EMCN: variants seen among roughly 807,000 people sequenced by gnomAD.
The protein encoded by EMCN is MUC-14.
A neutral mutation model predicts 38.4 loss-of-function variants in EMCN; 37 were observed. That is an observed-to-expected ratio of 0.96 (90% CI 0.74 to 1.27). The LOEUF (loss-of-function observed/expected upper bound fraction) is 1.27, where lower values mean the gene tolerates loss of function less well. Ranked by LOEUF, EMCN falls within the 50% of genes most tolerant of loss-of-function variation. The pLI, the probability that EMCN is intolerant of heterozygous loss-of-function variation, is 0.00. For synonymous variants in EMCN, 95 were observed against 100.8 expected (o/e 0.94, Z 0.35); for missense variants, 318 against 302.8 (o/e 1.05, Z -0.37).
chr4:100,502,907 C>T (rs1321707686), intron 1 of EMCN, among the ~76,000 whole-genome samples: 3 of 152,062 alleles, frequency 2.0e-5, no homozygotes, highest in African/African-American at 7.2e-5. Context: ...ACCAACTTCA[C>T]ATTGATAATA....
intron 11 of EMCN, among the ~76,000 whole-genome samples, chr4:100,409,915 T>C (rs1726502466): frequency 6.6e-6 from 1 of 152,222 alleles, no homozygotes; most frequent in Non-Finnish European, 1.5e-5. Flanking sequence ...GCAAGCACCG[T>C]CACTTGGATT....
At chr4:100,464,766 A>C (rs970846182) in intron 4 of EMCN, among the ~76,000 whole-genome samples, 1 of 151,850 alleles carries the variant, frequency 6.6e-6, no homozygotes, top group Non-Finnish European at 1.5e-5. Context: ...ATTTTTTTGC[A>C]ATATTTTATC....
chr4:100,502,106 G>A (rs72692143), intron 1 of EMCN, among the ~76,000 whole-genome samples: 2,578 of 152,306 alleles, frequency 0.017, 36 homozygotes, highest in Non-Finnish European at 0.024. Context: ...GGGCTTAATA[G>A]AGGGGCTTGA....
intron 3 of EMCN, among the ~76,000 whole-genome samples, chr4:100,467,543 G>T (rs1436463255): frequency 6.6e-6 from 1 of 151,822 alleles, no homozygotes; most frequent in African/African-American, 2.4e-5. Flanking sequence ...TTAGCCGGGC[G>T]TGGTGGTGGG....
chr4:100,478,573 G>A (rs1408062819), intron 2 of EMCN, among the ~76,000 whole-genome samples: 7 of 151,900 alleles, frequency 4.6e-5, no homozygotes, highest in Admixed American at 4.6e-4. Context: ...GGCAGGAAGG[G>A]GAAATAAAAA....
At chr4:100,436,241 T>G (rs548097054) in intron 5 of EMCN, among the ~76,000 whole-genome samples, 1 of 152,006 alleles carries the variant, frequency 6.6e-6, no homozygotes, top group Admixed American at 6.6e-5. Context: ...AAGACATTCA[T>G]GCAGTCAACA....
chr4:100,502,302 G>A (rs1299578826), intron 1 of EMCN, among the ~76,000 whole-genome samples: 2 of 152,170 alleles, frequency 1.3e-5, no homozygotes, highest in East Asian at 3.9e-4. Context: ...AAACCTCCAT[G>A]TTGAATATAC....
chr4:100,489,320 T>C (rs1729018767), intron 1 of EMCN, among the ~76,000 whole-genome samples: 1 of 152,220 alleles, frequency 6.6e-6, no homozygotes, highest in African/African-American at 2.4e-5. Context: ...TGAAAATAAA[T>C]GTAACAAATT....
At chr4:100,469,743 A>G (rs1403692195) in intron 3 of EMCN, among the ~76,000 whole-genome samples, 8 of 151,826 alleles carry the variant, frequency 5.3e-5, no homozygotes, top group Non-Finnish European at 1.2e-4. Context: ...TAGTGTAGGT[A>G]TGTGGCCTTA....
At chr4:100,455,305 A>T (rs1431004531) in intron 4 of EMCN, among the ~76,000 whole-genome samples, 2 of 152,102 alleles carry the variant, frequency 1.3e-5, no homozygotes, top group African/African-American at 4.8e-5. Flanking sequence ...TAAACAATAA[A>T]TTGTCTTTTG....
At chr4:100,401,997 T>G (rs898738703) in intron 11 of EMCN, among the ~76,000 whole-genome samples, 3 of 152,182 alleles carry the variant, frequency 2.0e-5, no homozygotes, top group African/African-American at 7.2e-5. Context: ...ATCTTAGACA[T>G]GCTTTCATGT....
intron 1 of EMCN, among the ~76,000 whole-genome samples, chr4:100,512,761 A>T (rs1341707024): frequency 6.6e-6 from 1 of 151,310 alleles, no homozygotes; most frequent in African/African-American, 2.4e-5. Flanking sequence ...AGCCAATATC[A>T]TACCGTTGCA....
chr4:100,475,659 C>CTGTTT (rs1560631485), intron 2 of EMCN, among the ~76,000 whole-genome samples: 1 of 60,314 alleles, frequency 1.7e-5, no homozygotes, highest in African/African-American at 8.4e-5. Flanking sequence ...AATTCTAGTC[C>CTGTTT]TTTTTTTTTT....
chr4:100,513,833 A>G (rs1250891996), intron 1 of EMCN, among the ~76,000 whole-genome samples: 3 of 152,182 alleles, frequency 2.0e-5, no homozygotes, highest in Non-Finnish European at 4.4e-5. Flanking sequence ...TCAATTATCC[A>G]TTCATTCAGA....
At chr4:100,498,452 T>G (rs1347045725) in intron 1 of EMCN, among the ~76,000 whole-genome samples, 5 of 152,120 alleles carry the variant, frequency 3.3e-5, no homozygotes, top group African/African-American at 9.7e-5. Context: ...ATCTCTGTCA[T>G]GAAAGTAACA....
chr4:100,427,779 C>A (rs1380779728), intron 5 of EMCN, among the ~76,000 whole-genome samples: 1 of 152,094 alleles, frequency 6.6e-6, no homozygotes. Flanking sequence ...AATCCGGATA[C>A]TTACTTAGCA....
At chr4:100,474,854 A>T (rs1379321322) in intron 3 of EMCN, among the ~76,000 whole-genome samples, 184 bp downstream of exon 3, 3 of 152,164 alleles carry the variant, frequency 2.0e-5, no homozygotes, top group Non-Finnish European at 4.4e-5. Context: ...ATGGGAAGTG[A>T]TTGGTAATTA....
intron 5 of EMCN, 96 bp downstream of exon 5, chr4:100,447,437 T>G (rs984923717): frequency 2.0e-5 from 17 of 857,572 alleles, no homozygotes; most frequent in Non-Finnish European, 2.8e-5. Context: ...CTTGTGCTAT[T>G]TCTCCCTGCC....
In EMCN at chr4:100,465,516, C is replaced by T. The variant is rs775810481; in HGVS notation, c.283G>A (p.Val95Ile). 8.7e-6 allele frequency: 14 copies of T among 1,606,464 alleles called. No individual in the cohort carries two copies. The highest frequency in any genetic ancestry group is 1.3e-5 in the African/African-American group (1 of 74,744). Residue 95 changes from valine to isoleucine, a missense_variant, in exon 4 of 12, where the codon GTC (valine) becomes ATC (isoleucine). By Grantham distance (29) the Val-to-Ile change is conservative (BLOSUM62 3). Transcript: ENST00000296420. Reference sequence around the variant, plus strand: ...GAAATGATGGAGTCATTCTTCCTGACATCAGTGGTTGTGGCTTTCAATCCT... The same window carrying T: ...GAAATGATGGAGTCATTCTTCCTGATATCAGTGGTTGTGGCTTTCAATCCT... ...DEGLKATTTD[V>I]RKNDSIISNV...
Sources: gnomAD v4.1 joint callset for allele counts (sites outside exome capture counted in the v4.1 genomes callset) on GRCh38, gnomAD v4.1.1 for gene constraint, MANE v1.5 for transcripts, NCBI Gene and HGNC (gene_info 2026-07-23, HGNC 2026-07-21) for gene names.